UGT1A7: variants seen among roughly 807,000 people sequenced by gnomAD.
UGT1A7 encodes the protein UDP-glucuronosyltransferase 1A7.
UGT1A7 carries 33 observed loss-of-function variants against 45.6 expected under a neutral mutation model. The observed-to-expected ratio is 0.72, with a 90% CI of 0.55 to 0.97. The LOEUF (loss-of-function observed/expected upper bound fraction) is 0.97, where lower values mean the gene tolerates loss of function less well. Among genes scored for constraint, UGT1A7 ranks in the 50% least tolerant of loss-of-function variants. The pLI, the probability that UGT1A7 is intolerant of heterozygous loss-of-function variation, is 0.00. For synonymous variants in UGT1A7, 274 were observed against 250.6 expected, an observed-to-expected ratio of 1.09 and a Z score of -0.88; for missense variants, 684 against 666.2, an observed-to-expected ratio of 1.03 and a Z score of -0.29.
intron 1 of UGT1A7, among the ~76,000 whole-genome samples, chr2:233,766,325 G>C (rs574966930): frequency 6.6e-6 from 1 of 152,110 alleles, no homozygotes; most frequent in African/African-American, 2.4e-5. Flanking sequence ...GCCAAACTCC[G>C]CGTTGTTCTG....
intron 1 of UGT1A7, among the ~76,000 whole-genome samples, chr2:233,737,177 G>A (rs566988062): frequency 3.9e-5 from 6 of 152,300 alleles, no homozygotes; most frequent in Middle Eastern, 3.4e-3. Flanking sequence ...AGTCTATAGC[G>A]GCAGTAGCCC....
At chr2:233,734,256 G>A (rs1200658913) in intron 1 of UGT1A7, among the ~76,000 whole-genome samples, 1 of 151,990 alleles carries the variant, frequency 6.6e-6, no homozygotes, top group Non-Finnish European at 1.5e-5. Flanking sequence ...GTCTTGGGAG[G>A]GTGTATGTGT....
At chr2:233,686,166 A>G (rs1422403652) in intron 1 of UGT1A7, among the ~76,000 whole-genome samples, 1 of 152,178 alleles carries the variant, frequency 6.6e-6, no homozygotes, top group Non-Finnish European at 1.5e-5. Flanking sequence ...AAAGACCTAA[A>G]TAGAAAATCT....
At chr2:233,743,088 A>T (rs942184123) in intron 1 of UGT1A7, 6 of 346,134 alleles carry the variant, frequency 1.7e-5, no homozygotes, top group African/African-American at 1.3e-4. Context: ...AGTGTTTATA[A>T]ATTCTTGGGT....
chr2:233,713,348 T>C (rs149718405), intron 1 of UGT1A7: 25 of 1,614,220 alleles, frequency 1.5e-5, no homozygotes, highest in Non-Finnish European at 2.1e-5. Flanking sequence ...TTATGAACAA[T>C]ATGTCTTTGA....
intron 1 of UGT1A7, among the ~76,000 whole-genome samples, chr2:233,727,176 C>G (rs2077590030): frequency 6.6e-6 from 1 of 152,122 alleles, no homozygotes; most frequent in Non-Finnish European, 1.5e-5. Context: ...TTTTCTGTCT[C>G]TGGACTTTGC....
intron 1 of UGT1A7, chr2:233,755,107 C>A (rs952341644): frequency 1.5e-6 from 2 of 1,333,188 alleles, no homozygotes; most frequent in Non-Finnish European, 2.0e-6. Context: ...TCCGACAACA[C>A]CTCGTAGGCC....
At chr2:233,724,475 T>A (rs568755731) in intron 1 of UGT1A7, among the ~76,000 whole-genome samples, 8 of 68,812 alleles carry the variant, frequency 1.2e-4, no homozygotes, top group Non-Finnish European at 1.5e-4. Flanking sequence ...GGCTCCTCAC[T>A]TCTCAGACGG....
intron 1 of UGT1A7, chr2:233,693,824 A>G: frequency 6.2e-7 from 1 of 1,614,190 alleles, no homozygotes; most frequent in East Asian, 2.2e-5. Flanking sequence ...CATGGTCTTC[A>G]TTGGAGGTAT....
At position 233,769,453 on chromosome 2, in the gene UGT1A7, GCATT is replaced by G; in HGVS notation, c.1295+1018_1295+1021del. The G allele has an allele frequency of 6.3e-7, 1 of 1,591,058 alleles. No homozygotes were observed. Among genetic ancestry groups the G allele is most frequent in the Non-Finnish European group, 8.6e-7 (1 of 1,161,716 alleles). Reference sequence around the variant, plus strand: ...TGCTCATGTGTGGGTGCACACGTGTGCATTCATATGCGTGTGTGTGTGTGTGCGT... The same window carrying G: ...TGCTCATGTGTGGGTGCACACGTGTGCATATGCGTGTGTGTGTGTGTGCGT... On this transcript the variant is annotated intron_variant, in intron 4 of 4. Coordinates refer to ENST00000373426, the MANE Select transcript of UGT1A7 (RefSeq NM_019077.3). This position sits in a 1 kb window ranked among gnomAD's most constrained non-coding sequence, Gnocchi z 4.4.
At chr2:233,729,119 C>T in intron 1 of UGT1A7, 2 of 1,613,028 alleles carry the variant, frequency 1.2e-6, no homozygotes, top group East Asian at 2.2e-5. Context: ...TCCGTGTCTT[C>T]TGCTGAGATG....
At chr2:233,766,684 A>G (rs935932983) in intron 1 of UGT1A7, among the ~76,000 whole-genome samples, 1 of 152,094 alleles carries the variant, frequency 6.6e-6, no homozygotes, top group Non-Finnish European at 1.5e-5. Flanking sequence ...TCCCTTCTGT[A>G]TCACTGATGC....
At chr2:233,708,191 T>G (rs2076007846) in intron 1 of UGT1A7, among the ~76,000 whole-genome samples, 1 of 152,240 alleles carries the variant, frequency 6.6e-6, no homozygotes, top group African/African-American at 2.4e-5. Context: ...CGTGCACATT[T>G]TAAATGTCAT....
At chr2:233,722,096 T>C (rs1392126534) in intron 1 of UGT1A7, 1 of 203,514 alleles carries the variant, frequency 4.9e-6, no homozygotes, top group East Asian at 1.4e-4. Context: ...ACCTTAGGCC[T>C]CTTAGAGGAA....
At chr2:233,735,242 T>C (rs989843667) in intron 1 of UGT1A7, among the ~76,000 whole-genome samples, 1 of 152,236 alleles carries the variant, frequency 6.6e-6, no homozygotes, top group Non-Finnish European at 1.5e-5. Context: ...CTCTTGTTGT[T>C]GAATTGCTCC....
chr2:233,757,554 ATATATATG>A lies in UGT1A7; in HGVS notation c.856-9471_856-9464del, dbSNP rs1052235726. On this transcript the variant is annotated intron_variant, in intron 1 of 4. Transcript: ENST00000373426. ...GTAAGGAATATATATATATATATAT[ATATATATG>A]TATATATGATATAGCTATAGTCTAA... Among the ~76,000 whole-genome samples the A allele has an allele frequency of 3.8e-3, 481 of 125,326 alleles. 1 individual carries two copies. Among genetic ancestry groups the A allele is most frequent in the Non-Finnish European group, 4.6e-3 (284 of 61,224 alleles). 82.2% of individuals were successfully genotyped at this position (125,326 alleles called of 152,430 possible).
intron 1 of UGT1A7, among the ~76,000 whole-genome samples, chr2:233,759,387 C>A (rs1697125901): frequency 6.6e-6 from 1 of 152,128 alleles, no homozygotes. Context: ...TCAGGATACT[C>A]AGAGTAACCG....
intron 1 of UGT1A7, chr2:233,729,946 G>T (rs757885815): frequency 1.2e-6 from 2 of 1,614,002 alleles, no homozygotes; most frequent in Middle Eastern, 1.7e-4. Flanking sequence ...GCCCAACATG[G>T]TCTTCATTGG....
intron 1 of UGT1A7, among the ~76,000 whole-genome samples, chr2:233,744,769 C>T (rs1692917146): frequency 6.6e-6 from 1 of 151,856 alleles, no homozygotes; most frequent in Non-Finnish European, 1.5e-5. Flanking sequence ...TTTAACTTTG[C>T]AAAATTCTCC....
Sources: gnomAD v4.1 joint callset for allele counts (sites outside exome capture counted in the v4.1 genomes callset) on GRCh38, gnomAD v4.1.1 for gene constraint, Gnocchi (gnomAD v3.1) non-coding constraint, MANE v1.5 for transcripts, NCBI Gene and HGNC (gene_info 2026-07-23, HGNC 2026-07-21) for gene names.